TRDN: variants seen among roughly 807,000 people sequenced by gnomAD.
TRDN encodes the protein triadin.
In TRDN, 161 loss-of-function variants were observed where a neutral mutation model predicts 149.7. The observed-to-expected ratio is 1.08, with a 90% CI of 0.95 to 1.23. The LOEUF is 1.23. Among genes scored for constraint, TRDN ranks in the 50% most tolerant of loss-of-function variants. TRDN has a pLI of 0.00. For synonymous variants in TRDN, 294 were observed against 250.5 expected, an observed-to-expected ratio of 1.17 and a Z score of -1.64; for missense variants, 896 against 823.5, an observed-to-expected ratio of 1.09 and a Z score of -1.08.
At chr6:123,570,059 A>G (rs1011884613) in intron 2 of TRDN, among the ~76,000 whole-genome samples, 1 of 152,204 alleles carries the variant, frequency 6.6e-6, no homozygotes, top group Non-Finnish European at 1.5e-5. Context: ...TTCCATAATG[A>G]GAAATAGGAG....
intron 8 of TRDN, among the ~76,000 whole-genome samples, chr6:123,500,137 G>A (rs952538280): frequency 6.6e-6 from 1 of 151,968 alleles, no homozygotes; most frequent in African/African-American, 2.4e-5. Flanking sequence ...TGAATTCAGA[G>A]GATGTTTTTT....
chr6:123,304,600 C>T (rs1054763498), intron 24 of TRDN, among the ~76,000 whole-genome samples: 8 of 151,976 alleles, frequency 5.3e-5, no homozygotes, highest in African/African-American at 1.9e-4. Flanking sequence ...ATTACTTATG[C>T]AAGTTTTTTT....
At chr6:123,380,900 T>C (rs948484293) in intron 16 of TRDN, among the ~76,000 whole-genome samples, 4 of 151,824 alleles carry the variant, frequency 2.6e-5, no homozygotes, top group Admixed American at 2.6e-4. Context: ...TCATAGTGAG[T>C]GTAGGGGGGA....
At chr6:123,309,993 T>A (rs141022433) in intron 24 of TRDN, among the ~76,000 whole-genome samples, 1 of 152,058 alleles carries the variant, frequency 6.6e-6, no homozygotes, top group Non-Finnish European at 1.5e-5. Flanking sequence ...AAATTAACTA[T>A]AGTACATATG....
At chr6:123,527,632 T>TTA (rs1455883827) in intron 5 of TRDN, among the ~76,000 whole-genome samples, 2 of 151,914 alleles carry the variant, frequency 1.3e-5, no homozygotes, top group African/African-American at 4.8e-5. Context: ...CCAGGGGCCA[T>TTA]TTATATGAGT....
At chr6:123,409,700 C>CAT (rs1773352873) in intron 12 of TRDN, among the ~76,000 whole-genome samples, 1 of 151,372 alleles carries the variant, frequency 6.6e-6, no homozygotes, top group East Asian at 1.9e-4. Flanking sequence ...TACACACACA[C>CAT]ACACACACAC....
chr6:123,251,036 A>G (rs1776353501), intron 38 of TRDN, among the ~76,000 whole-genome samples: 1 of 152,070 alleles, frequency 6.6e-6, no homozygotes, highest in Admixed American at 6.6e-5. Context: ...TTACCTCCTT[A>G]TGTAGTCAGC....
intron 21 of TRDN, among the ~76,000 whole-genome samples, chr6:123,346,392 T>A (rs956338212): frequency 2.6e-5 from 4 of 152,064 alleles, no homozygotes; most frequent in African/African-American, 9.7e-5. Context: ...TCTTTTTATG[T>A]ATTGTTGAAT....
At position 123,321,943 on chromosome 6, in the gene TRDN, T is replaced by C. The variant is rs573449267; in HGVS notation, c.1472-5448A>G. Among the ~76,000 whole-genome samples the C allele has an allele frequency of 2.0e-5, 3 of 152,276 alleles. No individual in the cohort carries two copies. In the East Asian group the frequency reaches 5.8e-4, roughly 29 times the overall value. ...CATAGATTGCCAAAAGAAGAAATTGTTCTAACTTTGGGTGAGGTCACACAG... is the reference window on the plus strand; with the variant it reads ...CATAGATTGCCAAAAGAAGAAATTGCTCTAACTTTGGGTGAGGTCACACAG... On this transcript the variant is annotated intron_variant, in intron 23 of 40. Transcript: ENST00000334268.
At chr6:123,375,901 C>T (rs947570065) in intron 18 of TRDN, among the ~76,000 whole-genome samples, 1 of 152,044 alleles carries the variant, frequency 6.6e-6, no homozygotes, top group African/African-American at 2.4e-5. Context: ...TCATCTTGCT[C>T]TCCATTTTTA....
At chr6:123,332,893 TA>T (rs1416628582) in intron 22 of TRDN, among the ~76,000 whole-genome samples, 7 of 152,044 alleles carry the variant, frequency 4.6e-5, no homozygotes, top group Non-Finnish European at 8.8e-5. Flanking sequence ...GAGGTTTTAT[TA>T]AAAGAACTGC....
At chr6:123,220,113 A>G (rs1775095673) in intron 40 of TRDN, among the ~76,000 whole-genome samples, 1 of 151,840 alleles carries the variant, frequency 6.6e-6, no homozygotes, top group African/African-American at 2.4e-5. Flanking sequence ...AGATCCCCCA[A>G]CTGAGGTTAG....
At chr6:123,464,639 C>T in intron 10 of TRDN, 1 of 1,198,390 alleles carries the variant, frequency 8.3e-7, no homozygotes, top group Non-Finnish European at 1.0e-6. Context: ...CTATTTGTCC[C>T]TATATTTTTT....
intron 1 of TRDN, among the ~76,000 whole-genome samples, chr6:123,578,462 C>T (rs555296930): frequency 2.0e-5 from 3 of 152,098 alleles, no homozygotes; most frequent in Non-Finnish European, 4.4e-5. Flanking sequence ...ATCAGAGGGT[C>T]GTAGGTATGG....
At chr6:123,583,379 G>A (rs1349956818) in intron 1 of TRDN, among the ~76,000 whole-genome samples, 10 of 152,088 alleles carry the variant, frequency 6.6e-5, no homozygotes, top group Admixed American at 6.5e-4. Flanking sequence ...CTATACAGGA[G>A]CTCAAATGGG....
At chr6:123,304,252 C>CTT (rs71649806) in intron 24 of TRDN, among the ~76,000 whole-genome samples, 12 of 128,962 alleles carry the variant, frequency 9.3e-5, no homozygotes, top group South Asian at 2.4e-4. Flanking sequence ...CTTTTATTTT[C>CTT]TTTTTTTTTT....
chr6:123,264,476 G>A (rs1776871408), intron 33 of TRDN, among the ~76,000 whole-genome samples: 2 of 152,060 alleles, frequency 1.3e-5, no homozygotes, highest in Admixed American at 6.6e-5. Context: ...AAAGAAAGTG[G>A]ATACTTGAGA....
intron 7 of TRDN, among the ~76,000 whole-genome samples, chr6:123,504,433 G>A (rs1388235961): frequency 3.3e-5 from 5 of 152,124 alleles, no homozygotes. Context: ...TCGCATTGGT[G>A]TTGACTAACA....
chr6:123,470,914 C>T (rs1777114670), intron 9 of TRDN: 1 of 152,052 alleles, frequency 6.6e-6, no homozygotes, highest in Non-Finnish European at 1.5e-5. Context: ...AGTACCAGAC[C>T]CTTTTCTAGG....
Sources: gnomAD v4.1 joint callset for allele counts (sites outside exome capture counted in the v4.1 genomes callset) on GRCh38, gnomAD v4.1.1 for gene constraint, MANE v1.5 for transcripts, NCBI Gene and HGNC (gene_info 2026-07-23, HGNC 2026-07-21) for gene names.